ALDH5A1: variants seen among roughly 807,000 people sequenced by gnomAD.
ALDH5A1 encodes succinate-semialdehyde dehydrogenase, mitochondrial.
In ALDH5A1, 33 loss-of-function variants were observed where a neutral mutation model predicts 54.7. That is an observed-to-expected ratio of 0.60 (90% CI 0.46 to 0.81). ALDH5A1 has a LOEUF of 0.81. ALDH5A1 is among the 30% of genes least tolerant of loss of function. The pLI, the probability that ALDH5A1 is intolerant of heterozygous loss-of-function variation, is 0.00. For missense variants in ALDH5A1, 657 were observed against 711.0 expected (o/e 0.92, Z 0.86); for synonymous variants, 294 against 292.7 (o/e 1.00, Z -0.05).
chr6:24,500,516 T>C (rs1764798520), intron 1 of ALDH5A1, among the ~76,000 whole-genome samples: 1 of 152,098 alleles, frequency 6.6e-6, no homozygotes, highest in Non-Finnish European at 1.5e-5. Flanking sequence ...GCATGGTGGC[T>C]CATGATTGTA....
At chr6:24,495,591 TGC>T (rs1285523742) in intron 1 of ALDH5A1, among the ~76,000 whole-genome samples, 1 of 152,078 alleles carries the variant, frequency 6.6e-6, no homozygotes, top group Non-Finnish European at 1.5e-5. Context: ...AGTTATGCAC[TGC>T]CCAGTAGGGG....
rs1561869595 is a variant in ALDH5A1, at chr6:24,503,391, G to C, written c.567G>C (p.Leu189=). ...IHTPAKDRRA[L]VLKQPIGVAA... is the part of the protein sequence containing the mutation. The stretch of plus-strand genomic sequence containing the variant: ...CCCCGGCAAAGGACAGGCGGGCCCT[G>C]GTCCTCAAGCAGCCCATAGGCGTGG... The change falls in exon 3 of 10, where the codon CTG becomes CTC. Residue 189 remains leucine (L), a synonymous_variant. Coordinates refer to ENST00000357578, the MANE Select transcript of ALDH5A1 (RefSeq NM_001080.3). 1.9e-6 allele frequency: 3 copies of C among 1,613,716 alleles called. No individual in the cohort carries two copies. The highest frequency in any genetic ancestry group is 1.7e-6 in the Non-Finnish European group (2 of 1,179,994).
chr6:24,525,639 C>T (rs1330633723), intron 7 of ALDH5A1, among the ~76,000 whole-genome samples: 3 of 152,046 alleles, frequency 2.0e-5, no homozygotes, highest in Admixed American at 1.3e-4. Flanking sequence ...ACCCACGAGG[C>T]GGAGGTTGCA....
At chr6:24,495,373 G>A (rs1335124926) in intron 1 of ALDH5A1, 23 bp downstream of exon 1, 4 of 1,529,890 alleles carry the variant, frequency 2.6e-6, no homozygotes, top group Admixed American at 2.0e-5. Context: ...GGATGCAGGG[G>A]GCCAGAGCTG....
Position 24,527,982 on chromosome 6 carries a change from TTCC to T in ALDH5A1, c.1174-12_1174-10del. 1 of 1,613,754 alleles carries T rather than the reference TTCC, an allele frequency of 6.2e-7. No homozygotes were observed. Among genetic ancestry groups the T allele is most frequent in the Non-Finnish European group, 8.5e-7 (1 of 1,179,800 alleles). On this transcript the variant is annotated splice_polypyrimidine_tract_variant and intron_variant, in intron 7 of 9. Coordinates refer to ENST00000357578, the MANE Select transcript of ALDH5A1 (RefSeq NM_001080.3). Reference sequence around the variant, plus strand: ...TGTATCATGTGGAAAGCTTTTTTTCTTCCTCATTACACAGGTGGAGAAACAGGT... The same window carrying T: ...TGTATCATGTGGAAAGCTTTTTTTCTTCATTACACAGGTGGAGAAACAGGT...
chr6:24,517,947 C>T (rs996158371), intron 5 of ALDH5A1, among the ~76,000 whole-genome samples: 1 of 152,250 alleles, frequency 6.6e-6, no homozygotes, highest in East Asian at 1.9e-4. Flanking sequence ...GCTGAGAGGA[C>T]AGCAGCCATG....
intron 4 of ALDH5A1, among the ~76,000 whole-genome samples, chr6:24,508,539 T>C (rs1352043971): frequency 1.3e-5 from 2 of 152,154 alleles, no homozygotes; most frequent in East Asian, 1.9e-4. Flanking sequence ...TTTGGGTTTG[T>C]TCCATGCTTT....
At chr6:24,495,828 T>A (rs1764692529) in intron 1 of ALDH5A1, among the ~76,000 whole-genome samples, 2 of 152,118 alleles carry the variant, frequency 1.3e-5, no homozygotes, top group African/African-American at 4.8e-5. Flanking sequence ...AATCATGGGA[T>A]CGGAAACGGA....
At chr6:24,529,211 G>A (rs1439829348) in intron 8 of ALDH5A1, among the ~76,000 whole-genome samples, 1 of 151,562 alleles carries the variant, frequency 6.6e-6, no homozygotes, top group Non-Finnish European at 1.5e-5. Context: ...CCGTCATCCA[G>A]GCTGGAGTGC....
At position 24,506,243 on chromosome 6, in the gene ALDH5A1, C is replaced by CTTTTTTTTTTTTTTTTTTTTTTTTTTTT. The variant is rs70974913; in HGVS notation, c.726+1261_726+1288dup. On this transcript the variant is annotated intron_variant, in intron 4 of 9. Transcript: ENST00000357578. ...TCTGCACCTCCTTCTTTCCTGGTTC[C>CTTTTTTTTTTTTTTTTTTTTTTTTTTTT]TTTTTTTTTTTTTTTTTTTTTTTTT... Among the ~76,000 whole-genome samples the CTTTTTTTTTTTTTTTTTTTTTTTTTTTT allele has an allele frequency of 7.7e-5, 4 of 52,132 alleles. 1 individual carries two copies. The highest frequency in any genetic ancestry group is 1.4e-4 in the Non-Finnish European group (4 of 29,132). The allele number at this position is 52,132 out of a possible 152,430, so 34.2% of individuals were successfully genotyped here.
At chr6:24,499,976 C>CTGTGTGTGTGTG (rs111245798) in intron 1 of ALDH5A1, among the ~76,000 whole-genome samples, 104 of 151,332 alleles carry the variant, frequency 6.9e-4, no homozygotes, top group African/African-American at 2.3e-3. Context: ...CAGATAATTT[C>CTGTGTGTGTGTG]TGTGTGTGTG....
Position 24,518,756 on chromosome 6 carries a change from C to T in ALDH5A1, c.871-1645C>T, listed in dbSNP as rs1759620157. 6.6e-6 allele frequency among the ~76,000 whole-genome samples: 1 copy of T among 152,148 alleles called. No individual in the cohort carries two copies. Among genetic ancestry groups the T allele is most frequent in the Non-Finnish European group, 1.5e-5 (1 of 68,026 alleles). On this transcript the variant is annotated intron_variant, in intron 5 of 9. Coordinates refer to ENST00000357578, the MANE Select transcript of ALDH5A1 (RefSeq NM_001080.3). This position sits in a 1 kb window ranked among gnomAD's most constrained non-coding sequence, Gnocchi z 4.2. Reference sequence around the variant, plus strand: ...ACACAGGCCTAGCTTTCCAGCCATTCTGTGTTTTTACCAAGAACCGTGTCA... The same window carrying T: ...ACACAGGCCTAGCTTTCCAGCCATTTTGTGTTTTTACCAAGAACCGTGTCA...
chr6:24,500,751 T>C (rs1764804370), intron 1 of ALDH5A1, among the ~76,000 whole-genome samples: 2 of 151,858 alleles, frequency 1.3e-5, no homozygotes, highest in South Asian at 2.1e-4. Context: ...CAATAATAGC[T>C]GTTTCCACAA....
chr6:24,535,805 A>ACTC lies in ALDH5A1; in HGVS notation c.*2095_*2097dup, dbSNP rs1479782429. On this transcript the variant is annotated 3_prime_UTR_variant, in exon 10 of 10. Coordinates refer to ENST00000357578, the MANE Select transcript of ALDH5A1 (RefSeq NM_001080.3). Reference sequence around the variant, plus strand: ...ACTCCAGCCTGGATGACAGAGCGAGACTCCGCCTCAAAAAAAGAATACAAA... The same window carrying ACTC: ...ACTCCAGCCTGGATGACAGAGCGAGACTCCTCCGCCTCAAAAAAAGAATACAAA... 2 of 152,130 alleles carry ACTC rather than the reference A, an allele frequency of 1.3e-5. No homozygotes were observed. Among genetic ancestry groups the ACTC allele is most frequent in the African/African-American group, 4.8e-5 (2 of 41,400 alleles). The allele number at this position is 152,130 out of a possible 1,614,324, so 9.4% of individuals were successfully genotyped here.
At chr6:24,526,986 A>G in intron 7 of ALDH5A1, among the ~76,000 whole-genome samples, 1 of 35,780 alleles carries the variant, frequency 2.8e-5, no homozygotes, top group Non-Finnish European at 1.1e-4. Flanking sequence ...ATATATATAT[A>G]TATATATATA....
At chr6:24,513,916 T>C (rs1476275923) in intron 4 of ALDH5A1, among the ~76,000 whole-genome samples, 1 of 152,218 alleles carries the variant, frequency 6.6e-6, no homozygotes, top group East Asian at 1.9e-4. Flanking sequence ...TGGAGATACC[T>C]TGTTGTAAAT....
rs5874989 is a variant in ALDH5A1, at chr6:24,522,478, C to CGTGT, written c.1015-266_1015-263dup. ...TGGGTGGCTTTTTTTTCTTTTCTTT[C>CGTGT]GTGTGTGTGTGTGTGTGTGTGTGTG... On this transcript the variant is annotated intron_variant, in intron 6 of 9. Coordinates refer to ENST00000357578, the MANE Select transcript of ALDH5A1 (RefSeq NM_001080.3). Among the ~76,000 whole-genome samples the CGTGT allele has an allele frequency of 2.9e-3, 396 of 134,604 alleles. 4 individuals carry two copies. The highest frequency in any genetic ancestry group is 0.019 in the Middle Eastern group (5 of 262). 88.3% of individuals were successfully genotyped at this position (134,604 alleles called of 152,430 possible). A position where few individuals can be genotyped will look rare whatever the true frequency, so the allele number is the denominator to read the frequency against.
In ALDH5A1 at chr6:24,509,981, C is replaced by T. The variant is rs1338723531; in HGVS notation, c.726+4996C>T. ...TCTTGGCACCACCTTTGCTGTATCC[C>T]AGAGGTTTTGATATGTTGTATCACT... On this transcript the variant is annotated intron_variant, in intron 4 of 9. Transcript: ENST00000357578. This position sits in a 1 kb window ranked among gnomAD's most constrained non-coding sequence, Gnocchi z 4.7. 2.0e-5 allele frequency among the ~76,000 whole-genome samples: 3 copies of T among 152,054 alleles called. No individual in the cohort carries two copies. The highest frequency in any genetic ancestry group is 4.4e-5 in the Non-Finnish European group (3 of 68,026).
At chr6:24,517,221 A>G (rs1759592576) in intron 5 of ALDH5A1, among the ~76,000 whole-genome samples, 1 of 152,058 alleles carries the variant, frequency 6.6e-6, no homozygotes, top group African/African-American at 2.4e-5. Context: ...GGCCAGGCTG[A>G]TCCGGAACTC....
Sources: gnomAD v4.1 joint callset for allele counts (sites outside exome capture counted in the v4.1 genomes callset) on GRCh38, gnomAD v4.1.1 for gene constraint, Gnocchi (gnomAD v3.1) non-coding constraint, MANE v1.5 for transcripts, NCBI Gene and HGNC (gene_info 2026-07-23, HGNC 2026-07-21) for gene names.